PTPRZ1: variants seen among roughly 807,000 people sequenced by gnomAD.
PTPRZ1 encodes the protein receptor-type tyrosine-protein phosphatase zeta.
PTPRZ1 carries 82 observed loss-of-function variants against 214.1 expected under a neutral mutation model. The observed-to-expected ratio is 0.38, with a 90% CI of 0.32 to 0.46. The LOEUF is 0.46. Ranked by LOEUF, PTPRZ1 falls within the 20% of genes least tolerant of loss-of-function variation. The pLI is 1.00. For synonymous variants in PTPRZ1, 945 were observed against 987.9 expected (o/e 0.96, Z 0.81); for missense variants, 2,603 against 2,748.7 (o/e 0.95, Z 1.19).
chr7:122,027,292 T>A (rs1312115024), intron 13 of PTPRZ1, among the ~76,000 whole-genome samples: 1 of 151,960 alleles, frequency 6.6e-6, no homozygotes, highest in Non-Finnish European at 1.5e-5. Context: ...TCCTGGTGGG[T>A]GAGGGAGAGA....
chr7:121,935,543 T>C (rs1796057492), intron 2 of PTPRZ1, among the ~76,000 whole-genome samples: 2 of 93,056 alleles, frequency 2.1e-5, no homozygotes, highest in African/African-American at 6.1e-5. Context: ...TTTGGGGTTT[T>C]TTTTGTTTGT....
At chr7:121,968,206 T>G in intron 3 of PTPRZ1, 76 bp downstream of exon 3, 1 of 1,335,910 alleles carries the variant, frequency 7.5e-7, no homozygotes, top group East Asian at 2.4e-5. Flanking sequence ...TTCATCTCAT[T>G]TTCCTTTGAA....
At chr7:121,900,320 C>T (rs1794920547) in intron 1 of PTPRZ1, among the ~76,000 whole-genome samples, 1 of 152,354 alleles carries the variant, frequency 6.6e-6, no homozygotes, top group East Asian at 1.9e-4. Flanking sequence ...AGAATACAAA[C>T]TTTGCCTTGT....
intron 3 of PTPRZ1, among the ~76,000 whole-genome samples, chr7:121,968,861 G>A (rs1797126308): frequency 6.6e-6 from 1 of 152,022 alleles, no homozygotes; most frequent in African/African-American, 2.4e-5. Flanking sequence ...ATGGGGATAA[G>A]CTTTATCATT....
chr7:121,873,661 C>T (rs1293864983), intron 1 of PTPRZ1, 104 bp downstream of exon 1: 10 of 1,412,038 alleles, frequency 7.1e-6, no homozygotes, highest in Admixed American at 1.8e-5. Flanking sequence ...GCCATCTAGC[C>T]AGGAGGAAAA....
chr7:121,982,917 A>G (rs1388517544), intron 6 of PTPRZ1, among the ~76,000 whole-genome samples: 1 of 152,136 alleles, frequency 6.6e-6, no homozygotes, highest in Non-Finnish European at 1.5e-5. Context: ...AGCTGGAACT[A>G]CAGACACGTG....
chr7:121,879,291 T>C (rs1794158989), intron 1 of PTPRZ1, among the ~76,000 whole-genome samples: 1 of 152,198 alleles, frequency 6.6e-6, no homozygotes. Context: ...AGTCAGCTAG[T>C]GTGCCACTTT....
intron 27 of PTPRZ1, among the ~76,000 whole-genome samples, chr7:122,055,972 C>A (rs1792338833): frequency 6.6e-6 from 1 of 151,824 alleles, no homozygotes; most frequent in Admixed American, 6.6e-5. Context: ...GTGTAAACAG[C>A]ATAGCAGTGG....
In PTPRZ1 at chr7:121,943,105, G is replaced by C. The variant is rs187385170; in HGVS notation, c.124+14884G>C. Among the ~76,000 whole-genome samples the C allele has an allele frequency of 2.3e-3, 357 of 152,152 alleles. 1 individual carries two copies. Among genetic ancestry groups the C allele is most frequent in the Middle Eastern group, 0.02 (6 of 294 alleles). The stretch of plus-strand genomic sequence containing the variant: ...AGTTGTATACTATCTATGCATGCCG[G>C]CTCATAGTATGTGAAGACACATCAA... On this transcript the variant is annotated intron_variant, in intron 2 of 29. Transcript: ENST00000393386.
chr7:121,963,618 GT>G (rs1238136537), intron 2 of PTPRZ1, among the ~76,000 whole-genome samples: 1 of 152,086 alleles, frequency 6.6e-6, no homozygotes, highest in Non-Finnish European at 1.5e-5. Flanking sequence ...CAGGGGTGTG[GT>G]TTTTACTATT....
In PTPRZ1 at chr7:121,927,342, G is replaced by T. The variant is rs538911153; in HGVS notation, c.59-814G>T. Among the ~76,000 whole-genome samples, 3 of 152,276 alleles carry T rather than the reference G, an allele frequency of 2.0e-5. No homozygotes were observed. The East Asian group carries it at 5.8e-4, about 29-fold the overall frequency. On this transcript the variant is annotated intron_variant, in intron 1 of 29. Coordinates refer to ENST00000393386, the MANE Select transcript of PTPRZ1 (RefSeq NM_002851.3). ...AATGTTAGTACAGTCAGGGATTAAG[G>T]GACAATCATACAGGAAGGAGGAGAA...
intron 20 of PTPRZ1, 46 bp from the exon 21 acceptor site, chr7:122,040,769 TG>T (rs1799703241): frequency 3.8e-6 from 4 of 1,062,618 alleles, no homozygotes; most frequent in African/African-American, 3.2e-5. Context: ...TGTGTGTGTG[TG>T]TGTGTGTGTG....
chr7:122,013,623 C>G lies in PTPRZ1; in HGVS notation c.4577C>G (p.Thr1526Ser). 1 of 1,614,212 alleles carries G rather than the reference C, an allele frequency of 6.2e-7. No individual in the cohort carries two copies. Among genetic ancestry groups the G allele is most frequent in the South Asian group, 1.1e-5 (1 of 91,088 alleles). Residue 1526 changes from threonine to serine, a missense_variant, in exon 12 of 30, where the codon ACT becomes AGT. Around this residue, in one of 6 missense-constraint regions of PTPRZ1, gnomAD observed 1,913 missense variants for 1,914.3 expected, o/e 1.00. Coordinates refer to ENST00000393386, the MANE Select transcript of PTPRZ1 (RefSeq NM_002851.3). Reference sequence around the variant, plus strand: ...GGAAAAGAGGAAAATGACATTCAGACTGGTAGTGCTCTGCTTCCTCTCAGC... The same window carrying G: ...GGAAAAGAGGAAAATGACATTCAGAGTGGTAGTGCTCTGCTTCCTCTCAGC... ...NDGKEENDIQTGSALLPLSPE... is the reference protein window; with the variant it reads ...NDGKEENDIQSGSALLPLSPE...
At chr7:122,040,729 C>T (rs1417636163) in intron 20 of PTPRZ1, 87 bp from the exon 21 acceptor site, 15 of 489,438 alleles carry the variant, frequency 3.1e-5, no homozygotes, top group Non-Finnish European at 3.6e-5. Context: ...GTTGAAGAAC[C>T]GTGTGTGTGT....
chr7:122,005,177 A>G (rs148633282), intron 11 of PTPRZ1, among the ~76,000 whole-genome samples: 5 of 152,138 alleles, frequency 3.3e-5, no homozygotes, highest in African/African-American at 1.2e-4. Flanking sequence ...TGCTGACAAC[A>G]GGCACTTATA....
chr7:121,953,887 G>T (rs1373899613), intron 2 of PTPRZ1, among the ~76,000 whole-genome samples: 1 of 152,056 alleles, frequency 6.6e-6, no homozygotes, highest in Non-Finnish European at 1.5e-5. Context: ...GATGACAAGG[G>T]ACTCAGCAAT....
At chr7:121,895,066 G>A (rs193045123) in intron 1 of PTPRZ1, among the ~76,000 whole-genome samples, 22 of 152,262 alleles carry the variant, frequency 1.4e-4, no homozygotes, top group Admixed American at 1.4e-3. Context: ...TGCATAAATT[G>A]TTTATATCTT....
chr7:122,028,611 C>G lies in PTPRZ1; in HGVS notation c.5048C>G (p.Ser1683Cys), dbSNP rs368834797. 184 of 1,544,152 alleles carry G rather than the reference C, an allele frequency of 1.2e-4. 1 individual carries two copies. Among genetic ancestry groups the G allele is most frequent in the Non-Finnish European group, 1.6e-4 (174 of 1,116,724 alleles). The change falls in exon 14 of 30, where the codon TCC (serine) becomes TGC (cysteine). Residue 1683 changes from serine to cysteine, a missense_variant. Ser to Cys is a moderately radical substitution (Grantham distance 112). Around this residue, in one of 6 missense-constraint regions of PTPRZ1, gnomAD observed 1,913 missense variants for 1,914.3 expected, o/e 1.00. Coordinates refer to ENST00000393386, the MANE Select transcript of PTPRZ1 (RefSeq NM_002851.3). ...GACAGTACATCCCCTAGAGTTATAT[C>G]CACACCTCCAACACCTATCTTTCCA... is the stretch of plus-strand genomic sequence containing the variant. Reference protein sequence around the residue: ...LEDSTSPRVISTPPTPIFPIS... With the variant: ...LEDSTSPRVICTPPTPIFPIS...
chr7:121,989,666 G>A lies in PTPRZ1; in HGVS notation c.928+5549G>A, dbSNP rs1797886997. Among the ~76,000 whole-genome samples, 4 of 152,086 alleles carry A rather than the reference G, an allele frequency of 2.6e-5. No individual in the cohort carries two copies. The South Asian group carries it at 8.3e-4, about 32-fold the overall frequency. ...TGGGACTACAGGCATGAGCCACCAC[G>A]CTCCACCGAAAGTTTTTTCTTAATG... On this transcript the variant is annotated intron_variant, in intron 8 of 29. Transcript: ENST00000393386.
Sources: gnomAD v4.1 joint callset for allele counts (sites outside exome capture counted in the v4.1 genomes callset) on GRCh38, gnomAD v4.1.1 for gene constraint, gnomAD v4.1.1 regional missense constraint, MANE v1.5 for transcripts, NCBI Gene and HGNC (gene_info 2026-07-23, HGNC 2026-07-21) for gene names.